The following NPRL3 variants were observed in gnomAD, a reference collection of about 807,000 sequenced individuals.
The protein encoded by NPRL3 is GATOR1 complex protein NPRL3.
A neutral mutation model predicts 57.2 loss-of-function variants in NPRL3; 23 were observed. The ratio of observed to expected loss-of-function variants is 0.40; its 90% confidence interval spans 0.29 to 0.57. NPRL3 has a LOEUF of 0.57. Ranked by LOEUF, NPRL3 falls within the 20% of genes least tolerant of loss-of-function variation. The pLI, the probability that NPRL3 is intolerant of heterozygous loss-of-function variation, is 0.42. For synonymous variants in NPRL3, 333 were observed against 321.1 expected, an observed-to-expected ratio of 1.04 and a Z score of -0.39; for missense variants, 691 against 767.1, an observed-to-expected ratio of 0.90 and a Z score of 1.17.
Position 100,436 on chromosome 16 carries a change from T to C in NPRL3, c.703A>G (p.Ile235Val), listed in dbSNP as rs1448374665. 6.2e-7 allele frequency: 1 copy of C among 1,605,040 alleles called. No homozygotes were observed. Among genetic ancestry groups the C allele is most frequent in the Non-Finnish European group, 8.5e-7 (1 of 1,176,756 alleles). ...LEVSFCLPHK[I>V]HYAASSLIPP... ...ATCAGACTGGAGGCCGCATAGTGGA[T>C]CTTGTGGGGCAGGCAGAAGCTCACC... The change falls in exon 8 of 14, where the codon ATC (isoleucine) becomes GTC (valine). Residue 235 changes from isoleucine (I) to valine (V), a missense_variant. By Grantham distance (29) the Ile-to-Val change is conservative. Coordinates refer to ENST00000611875, the MANE Select transcript of NPRL3 (RefSeq NM_001077350.3).
At chr16:138,028 T>C in intron 2 of NPRL3, 122 bp downstream of exon 2, 1 of 691,684 alleles carries the variant, frequency 1.4e-6, no homozygotes, top group Admixed American at 2.8e-5. Context: ...TCAAATACTC[T>C]ACAACGAGCA....
At chr16:118,190 G>C (rs144260108) in intron 4 of NPRL3, among the ~76,000 whole-genome samples, 2 of 152,278 alleles carry the variant, frequency 1.3e-5, no homozygotes, top group African/African-American at 4.8e-5. Context: ...AGAATTGCTG[G>C]ATCTGTATAA....
intron 6 of NPRL3, among the ~76,000 whole-genome samples, 189 bp downstream of exon 6, chr16:112,433 T>A (rs1899857191): frequency 6.6e-6 from 1 of 152,186 alleles, no homozygotes; most frequent in Non-Finnish European, 1.5e-5. Flanking sequence ...AGGACTTCAT[T>A]TTCAATGCAC....
rs1314102456 is a variant in NPRL3 at position 86,429 on chromosome 16, C to A, written c.*276G>T. 1 of 446,208 alleles carries A rather than the reference C, an allele frequency of 2.2e-6. No individual in the cohort carries two copies. The highest frequency in any genetic ancestry group is 1.9e-5 in the African/African-American group (1 of 51,398). The allele number at this position is 446,208 out of a possible 1,614,324, so 27.6% of individuals were successfully genotyped here. A position where few individuals can be genotyped will look rare whatever the true frequency, so the allele number is the denominator to read the frequency against. On this transcript the variant is annotated 3_prime_UTR_variant, in exon 14 of 14. Coordinates refer to ENST00000611875, the MANE Select transcript of NPRL3 (RefSeq NM_001077350.3). ...TGCGGCCTCACCCAGAGACAGGAGT[C>A]CTGGCAGGCCCCCCTCCAGCGTGGA...
At chr16:103,125 C>T (rs962541578) in intron 7 of NPRL3, among the ~76,000 whole-genome samples, 1 of 151,656 alleles carries the variant, frequency 6.6e-6, no homozygotes, top group African/African-American at 2.4e-5. Context: ...AGGAGGGCCA[C>T]TGGAAATAAA....
chr16:86,002 T>TGG lies in NPRL3; in HGVS notation c.*701_*702dup. The TGG allele has an allele frequency of 2.1e-6, 1 of 480,756 alleles. No individual in the cohort carries two copies. Among genetic ancestry groups the TGG allele is most frequent in the East Asian group, 3.5e-5 (1 of 28,692 alleles). The allele number at this position is 480,756 out of a possible 1,614,324, so 29.8% of individuals were successfully genotyped here. On this transcript the variant is annotated 3_prime_UTR_variant, in exon 14 of 14. Coordinates refer to ENST00000611875, the MANE Select transcript of NPRL3 (RefSeq NM_001077350.3). Reference sequence around the variant, plus strand: ...TGTGGGAGCCGAAAGCCCCCGAGGGTGGGGTCCTGCACAGTGGGCCATGCC... The same window carrying TGG: ...TGTGGGAGCCGAAAGCCCCCGAGGGTGGGGGGTCCTGCACAGTGGGCCATGCC...
chr16:116,634 C>T (rs1596525972), intron 5 of NPRL3, among the ~76,000 whole-genome samples: 1 of 152,010 alleles, frequency 6.6e-6, no homozygotes, highest in South Asian at 2.1e-4. Context: ...TCAGCCAGGG[C>T]AATAAGGTGA....
rs570013781 is a variant in NPRL3, at chr16:99,541, G to A, written c.767+831C>T. On this transcript the variant is annotated intron_variant, in intron 8 of 13. Transcript: ENST00000611875. ...ACCCATAATCCCAGCTACTCAGGGG[G>A]CTGAGGCAGGAGAATCGCTTGAACC... Among the ~76,000 whole-genome samples the A allele has an allele frequency of 2.1e-3, 320 of 151,762 alleles. 2 individuals carry two copies. The highest frequency in any genetic ancestry group is 0.011 in the Admixed American group (165 of 15,208).
intron 6 of NPRL3, among the ~76,000 whole-genome samples, 186 bp from the exon 7 acceptor site, chr16:110,792 C>T (rs891797726): frequency 7.2e-5 from 11 of 152,114 alleles, no homozygotes; most frequent in Admixed American, 7.2e-4. Flanking sequence ...TCAAGTGATC[C>T]ATCCACCTTG....
At chr16:93,101 C>T (rs1898832456) in intron 10 of NPRL3, 118 bp downstream of exon 10, 1 of 732,834 alleles carries the variant, frequency 1.4e-6, no homozygotes, top group African/African-American at 1.7e-5. Flanking sequence ...AGAGCCTGGC[C>T]TTGGGGCTTC....
intron 3 of NPRL3, among the ~76,000 whole-genome samples, chr16:128,043 G>A (rs1596537559): frequency 6.7e-6 from 1 of 148,238 alleles, no homozygotes; most frequent in African/African-American, 2.5e-5. Context: ...CCAAACTGGA[G>A]TGCAGTGGCG....
chr16:88,559 C>A, intron 13 of NPRL3, 139 bp downstream of exon 13: 2 of 807,304 alleles, frequency 2.5e-6, no homozygotes, highest in East Asian at 2.7e-5. Flanking sequence ...CCCCTACACA[C>A]CTGAATGCAG....
chr16:133,598 T>C (rs898564013), intron 2 of NPRL3, among the ~76,000 whole-genome samples: 4 of 152,218 alleles, frequency 2.6e-5, no homozygotes, highest in African/African-American at 7.2e-5. Context: ...TTTAAACTCC[T>C]GGGCTCAAGC....
chr16:115,976 T>TGGGAATAA (rs1900016153), intron 5 of NPRL3, among the ~76,000 whole-genome samples: 1 of 152,260 alleles, frequency 6.6e-6, no homozygotes. Context: ...TTATTCTTGC[T>TGGGAATAA]GAGAACAAGC....
At position 138,322 on chromosome 16, in the gene NPRL3, A is replaced by G. The variant is rs796583759; in HGVS notation, c.-55T>C. 2 of 727,914 alleles carry G rather than the reference A, an allele frequency of 2.7e-6. No homozygotes were observed. The highest frequency in any genetic ancestry group is 3.4e-6 in the Non-Finnish European group (2 of 581,054). 45.1% of individuals were successfully genotyped at this position (727,914 alleles called of 1,614,324 possible). On this transcript the variant is annotated 5_prime_UTR_variant, in exon 2 of 14. Transcript: ENST00000611875. Reference sequence around the variant, plus strand: ...GGGGGCCAGAGGAGGACGGAGCCGGAGGCGGAGGGGGCCTGAGGAGGACGG... The same window carrying G: ...GGGGGCCAGAGGAGGACGGAGCCGGGGGCGGAGGGGGCCTGAGGAGGACGG...
intron 2 of NPRL3, among the ~76,000 whole-genome samples, chr16:131,637 G>T (rs1489879786): frequency 6.9e-6 from 1 of 144,310 alleles, no homozygotes; most frequent in East Asian, 2.0e-4. Flanking sequence ...AATCAGCTCA[G>T]CCTTCAGCAA....
intron 12 of NPRL3, chr16:89,423 C>T (rs1351376370): frequency 9.7e-6 from 4 of 410,828 alleles, no homozygotes; most frequent in African/African-American, 8.3e-5. Context: ...TGAGATCCTG[C>T]TCTGCTCCCA....
chr16:124,886 G>C (rs144399923), intron 3 of NPRL3: 2 of 152,278 alleles, frequency 1.3e-5, no homozygotes, highest in African/African-American at 4.8e-5. Context: ...AGACCAGCCT[G>C]GCCAACATGG....
intron 13 of NPRL3, 118 bp from the exon 14 acceptor site, chr16:86,988 T>G: frequency 9.1e-7 from 1 of 1,095,782 alleles, no homozygotes; most frequent in Non-Finnish European, 1.3e-6. Flanking sequence ...GAGCTGGTGG[T>G]GAAGGCCAGG....
Sources: allele counts gnomAD v4.1 joint callset (sites outside exome capture counted in the v4.1 genomes callset), GRCh38; gene constraint gnomAD v4.1.1; transcripts MANE v1.5; gene names NCBI Gene and HGNC (gene_info 2026-07-23, HGNC 2026-07-21).